STAU1: variants seen among roughly 807,000 people sequenced by gnomAD.
STAU1 encodes double-stranded RNA-binding protein Staufen homolog 1.
In STAU1, 13 loss-of-function variants were observed where a neutral mutation model predicts 62.9. The observed-to-expected ratio is 0.21, with a 90% CI of 0.13 to 0.33. STAU1 has a LOEUF of 0.33. STAU1 is among the 10% of genes least tolerant of loss of function. The pLI is 1.00. For synonymous variants in STAU1, 269 were observed against 265.1 expected (o/e 1.01, Z -0.14); for missense variants, 571 against 712.1 (o/e 0.80, Z 2.25).
At position 49,117,158 on chromosome 20, in the gene STAU1, T is replaced by C. The variant is rs780935438; in HGVS notation, c.1600A>G (p.Ile534Val). The change falls in exon 12 of 14, where the codon ATC becomes GTC. Residue 534 changes from isoleucine to valine, a missense_variant. Ile to Val is a conservative substitution (Grantham distance 29, BLOSUM62 3). Transcript: ENST00000371856. The surrounding 1 kb of genome is among the most constrained non-coding windows in gnomAD (Gnocchi z 4.6). ...TGGCAGGACTCCACATCCTTGCCGATACCATGGCTGATCAGAGGTGGCTGA... is the reference window on the plus strand; with the variant it reads ...TGGCAGGACTCCACATCCTTGCCGACACCATGGCTGATCAGAGGTGGCTGA... ...SSQPPLISHG[I>V]GKDVESCHDM... 4 of 1,614,166 alleles carry C rather than the reference T, an allele frequency of 2.5e-6. No homozygotes were observed. The highest frequency in any genetic ancestry group is 3.4e-6 in the Non-Finnish European group (4 of 1,180,032).
chr20:49,210,408 G>T, the STAU1 span: 1 of 455,878 alleles, frequency 2.2e-6, no homozygotes, highest in Non-Finnish European at 4.4e-6. Flanking sequence ...GGGCAAATGT[G>T]TTTCTTAGCT....
At chr20:49,145,644 A>G (rs1170073803) in intron 5 of STAU1, among the ~76,000 whole-genome samples, 1 of 149,008 alleles carries the variant, frequency 6.7e-6, no homozygotes, top group African/African-American at 2.5e-5. Flanking sequence ...GCAGGAGAAT[A>G]GCTTGAATCA....
chr20:49,201,539 C>T, the STAU1 span, among the ~76,000 whole-genome samples: 321 of 151,600 alleles, frequency 2.1e-3, 2 homozygotes, highest in East Asian at 0.035. Context: ...ATCAGGAGTT[C>T]AAGAGCACCC....
intron 1 of STAU1, among the ~76,000 whole-genome samples, chr20:49,183,456 G>A (rs2093750678): frequency 6.6e-6 from 1 of 152,170 alleles, no homozygotes; most frequent in Non-Finnish European, 1.5e-5. Flanking sequence ...AGGAGTTCAA[G>A]ACCAGCCTGG....
Position 49,126,186 on chromosome 20 carries a change from GA to G in STAU1, c.610-1600del, listed in dbSNP as rs377677549. On this transcript the variant is annotated intron_variant, in intron 6 of 13. Coordinates refer to ENST00000371856, the MANE Select transcript of STAU1 (RefSeq NM_017453.4). ...AACTAAAAGCACAATCAACAAGAGG[GA>G]AAAAAAAAAGTCACACTTAATCAAA... Among the ~76,000 whole-genome samples, 775 of 146,690 alleles carry G rather than the reference GA, an allele frequency of 5.3e-3. 14 individuals are homozygous for G. Among genetic ancestry groups the G allele is most frequent in the African/African-American group, 0.017 (699 of 39,952 alleles).
At chr20:49,198,254 G>A in the STAU1 span, among the ~76,000 whole-genome samples, 2 of 152,172 alleles carry the variant, frequency 1.3e-5, no homozygotes, top group East Asian at 1.9e-4. Context: ...GGTGGCTCAC[G>A]ACTGTAATGC....
the STAU1 span, among the ~76,000 whole-genome samples, chr20:49,213,729 C>T: frequency 6.6e-6 from 1 of 152,156 alleles, no homozygotes; most frequent in Admixed American, 6.5e-5. Flanking sequence ...CCTATTTAGT[C>T]CTCCCAACAG....
the STAU1 span, among the ~76,000 whole-genome samples, chr20:49,213,352 T>A: frequency 1.3e-5 from 2 of 152,010 alleles, no homozygotes; most frequent in African/African-American, 4.8e-5. Flanking sequence ...TGTCTCAGCC[T>A]CCTGAGCAGC....
At chr20:49,200,367 C>G in the STAU1 span, among the ~76,000 whole-genome samples, 6 of 151,988 alleles carry the variant, frequency 3.9e-5, no homozygotes, top group African/African-American at 1.2e-4. Context: ...GGAAGGCCGA[C>G]GCGGGCGGAT....
the STAU1 span, among the ~76,000 whole-genome samples, chr20:49,199,627 C>T: frequency 4.0e-5 from 6 of 151,260 alleles, no homozygotes; most frequent in African/African-American, 1.5e-4. Context: ...GGCTGGAGTG[C>T]AGTGGTGCGA....
Position 49,166,197 on chromosome 20 carries a change from G to A in STAU1, c.5C>T (p.Ser2Phe). The change falls in exon 3 of 14, where the codon TCT (serine) becomes TTT (phenylalanine). Residue 2 changes from serine to phenylalanine, a missense_variant. Ser to Phe is a radical substitution (Grantham distance 155). Coordinates refer to ENST00000371856, the MANE Select transcript of STAU1 (RefSeq NM_017453.4). ...GTTCTGAACTTGCACTTGAACTTGA[G>A]ACATGGTCACTTTCAACAAAAGTGA... M[S>F]QVQVQVQNPS... 6.8e-6 allele frequency: 11 copies of A among 1,614,134 alleles called. No homozygotes were observed. The highest frequency in any genetic ancestry group is 9.3e-6 in the Non-Finnish European group (11 of 1,180,024).
At chr20:49,129,043 C>T (rs770500904) in intron 6 of STAU1, among the ~76,000 whole-genome samples, 12 of 151,724 alleles carry the variant, frequency 7.9e-5, no homozygotes, top group Non-Finnish European at 1.3e-4. Context: ...GAGAAAATAT[C>T]TGCAAAATAC....
Position 49,138,023 on chromosome 20 carries a change from G to A in STAU1, c.511-2092C>T, listed in dbSNP as rs138217792. On this transcript the variant is annotated intron_variant, in intron 5 of 13. Coordinates refer to ENST00000371856, the MANE Select transcript of STAU1 (RefSeq NM_017453.4). ...TAATTGGCTGGGCATGGTGGCTAGC[G>A]CCTGTGATCCCAAAACTTTTTAAGG... is the stretch of plus-strand genomic sequence containing the variant. Among the ~76,000 whole-genome samples the A allele has an allele frequency of 7.2e-5, 11 of 152,140 alleles. No homozygotes were observed. The East Asian group carries it at 1.7e-3, about 24-fold the overall frequency.
At position 49,124,579 on chromosome 20, in the gene STAU1, C is replaced by T. The variant is rs139881819; in HGVS notation, c.618G>A (p.Arg206=). 9.9e-6 allele frequency: 16 copies of T among 1,613,726 alleles called. No individual in the cohort carries two copies. Among genetic ancestry groups the T allele is most frequent in the Non-Finnish European group, 1.3e-5 (15 of 1,180,030 alleles). Residue 206 remains arginine, a synonymous_variant, in exon 7 of 14, where the codon CGG becomes CGA. Transcript: ENST00000371856. ...TCTTCATGTGGGGTGGGCCACTCTC[C>T]CGGGCCACCTGTTTCAGAGGGAAAG... ...RNLPVNFEVA[R]ESGPPHMKNF...
upstream of STAU1, among the ~76,000 whole-genome samples, chr20:49,189,057 C>G (rs966280623): frequency 6.6e-6 from 1 of 151,410 alleles, no homozygotes; most frequent in Non-Finnish European, 1.5e-5. Context: ...AAAAATTAGC[C>G]GGGCGTGGTG....
At chr20:49,194,848 G>A in the STAU1 span, among the ~76,000 whole-genome samples, 3 of 151,836 alleles carry the variant, frequency 2.0e-5, no homozygotes, top group Non-Finnish European at 4.4e-5. Flanking sequence ...CAAAGTGTTG[G>A]AATTACAGGC....
intron 6 of STAU1, among the ~76,000 whole-genome samples, chr20:49,126,577 A>AAAAAAAAAAAACAAAAAAAAACAC (rs1555837188): frequency 2.9e-5 from 1 of 35,042 alleles, no homozygotes; most frequent in Non-Finnish European, 5.4e-5. Flanking sequence ...CAAAAAGCAA[A>AAAAAAAAAAAACAAAAAAAAACAC]AAAAAAAAAA....
chr20:49,144,039 A>G (rs946361719), intron 5 of STAU1, among the ~76,000 whole-genome samples: 1 of 152,236 alleles, frequency 6.6e-6, no homozygotes, highest in Non-Finnish European at 1.5e-5. Context: ...AAACAGACTC[A>G]TAATTCTGTT....
intron 1 of STAU1, among the ~76,000 whole-genome samples, chr20:49,179,796 G>A (rs2093701871): frequency 6.6e-6 from 1 of 152,188 alleles, no homozygotes; most frequent in Non-Finnish European, 1.5e-5. Flanking sequence ...TCTCTGAAGG[G>A]AGCTAATATA....
Sources: gnomAD v4.1 joint callset for allele counts (sites outside exome capture counted in the v4.1 genomes callset) on GRCh38, gnomAD v4.1.1 for gene constraint, Gnocchi (gnomAD v3.1) non-coding constraint, MANE v1.5 for transcripts, NCBI Gene and HGNC (gene_info 2026-07-23, HGNC 2026-07-21) for gene names.